KHDRBS2: variants seen among roughly 807,000 people sequenced by gnomAD.
The protein encoded by KHDRBS2 is KH domain-containing, RNA-binding, signal transduction-associated protein 2.
In KHDRBS2, 26 loss-of-function variants were observed where a neutral mutation model predicts 44.3. That is an observed-to-expected ratio of 0.59 (90% CI 0.43 to 0.81). The LOEUF is 0.81. KHDRBS2 is among the 40% of genes least tolerant of loss of function. KHDRBS2 has a pLI of 0.00. For missense variants in KHDRBS2, 476 were observed against 433.1 expected (o/e 1.10, Z -0.88); for synonymous variants, 194 against 151.1 (o/e 1.28, Z -2.08).
intron 3 of KHDRBS2, among the ~76,000 whole-genome samples, chr6:62,038,837 C>A (rs1785862656): frequency 6.6e-6 from 1 of 152,002 alleles, no homozygotes; most frequent in African/African-American, 2.4e-5. Context: ...ACAACCTTTG[C>A]ATCAAAGATT....
intron 4 of KHDRBS2, among the ~76,000 whole-genome samples, chr6:61,963,063 G>A (rs1377083479): frequency 6.6e-6 from 1 of 151,992 alleles, no homozygotes; most frequent in Non-Finnish European, 1.5e-5. Flanking sequence ...CACATAAGCT[G>A]GTTGCTATTT....
At chr6:61,555,693 G>A in the KHDRBS2 span, among the ~76,000 whole-genome samples, 2 of 152,174 alleles carry the variant, frequency 1.3e-5, no homozygotes, top group African/African-American at 4.8e-5. Context: ...TGTTTCGCTT[G>A]CTTGTATCTT....
At chr6:61,628,344 A>G in the KHDRBS2 span, among the ~76,000 whole-genome samples, 89,190 of 150,184 alleles carry the variant, frequency 0.59, 26,576 homozygotes, top group African/African-American at 0.62. Flanking sequence ...CTTCAAACTC[A>G]AATATCTTTT....
chr6:62,051,137 T>C (rs927170822), intron 2 of KHDRBS2, among the ~76,000 whole-genome samples: 1 of 152,058 alleles, frequency 6.6e-6, no homozygotes, highest in East Asian at 1.9e-4. Flanking sequence ...GAAAGCGGCA[T>C]GAAGGAAATA....
chr6:62,143,677 C>T (rs1001557651), intron 2 of KHDRBS2, among the ~76,000 whole-genome samples: 1 of 129,056 alleles, frequency 7.7e-6, no homozygotes, highest in Non-Finnish European at 1.6e-5. Flanking sequence ...TCTCTCCTGG[C>T]TAAGTCTCAG....
rs150714602 is a variant in KHDRBS2, at chr6:61,955,036, A to G, written c.483+23030T>C. Among the ~76,000 whole-genome samples the G allele has an allele frequency of 5.9e-4, 85 of 145,038 alleles. 1 individual carries two copies. Among genetic ancestry groups the G allele is most frequent in the Middle Eastern group, 0.011 (1 of 90 alleles). On this transcript the variant is annotated intron_variant, in intron 4 of 8. Transcript: ENST00000281156. ...TGTATACACACATACATATATACATACATGTATGTATACATATATGTATGT... is the reference window on the plus strand; with the variant it reads ...TGTATACACACATACATATATACATGCATGTATGTATACATATATGTATGT...
chr6:62,056,714 T>C (rs894380704), intron 2 of KHDRBS2, among the ~76,000 whole-genome samples: 11 of 151,970 alleles, frequency 7.2e-5, no homozygotes, highest in African/African-American at 2.7e-4. Context: ...TCCCCTTTAT[T>C]GATGACAGTA....
chr6:61,598,819 A>C, the KHDRBS2 span, among the ~76,000 whole-genome samples: 3,753 of 133,852 alleles, frequency 0.028, 189 homozygotes, highest in African/African-American at 0.1. Context: ...TAAAGGGTAG[A>C]GTGTCCTTTT....
the KHDRBS2 span, among the ~76,000 whole-genome samples, chr6:61,638,851 A>G: frequency 6.6e-6 from 1 of 152,110 alleles, no homozygotes; most frequent in African/African-American, 2.4e-5. Flanking sequence ...TATCTTTAAT[A>G]GAGTTATCTT....
At position 61,732,675 on chromosome 6, in the gene KHDRBS2, G is replaced by A. The variant is rs898329101; in HGVS notation, c.893+7C>T. 4 of 1,568,972 alleles carry A rather than the reference G, an allele frequency of 2.5e-6. No homozygotes were observed. Among genetic ancestry groups the A allele is most frequent in the Admixed American group, 1.7e-5 (1 of 59,772 alleles). ...GAGAAGGCTGCTTTAGATAGCAAATGCCTTACCTTTGTGTTTGGGTCGCAT... is the reference window on the plus strand; with the variant it reads ...GAGAAGGCTGCTTTAGATAGCAAATACCTTACCTTTGTGTTTGGGTCGCAT... On this transcript the variant is annotated splice_region_variant and intron_variant, in intron 7 of 8. Transcript: ENST00000281156.
chr6:62,085,258 T>C (rs1405337559), intron 2 of KHDRBS2, among the ~76,000 whole-genome samples: 1 of 152,062 alleles, frequency 6.6e-6, no homozygotes, highest in Non-Finnish European at 1.5e-5. Context: ...TAGATGAAAT[T>C]CTGAATTAAG....
chr6:62,145,898 A>C (rs544205357), intron 2 of KHDRBS2, among the ~76,000 whole-genome samples: 3 of 151,912 alleles, frequency 2.0e-5, no homozygotes, highest in Non-Finnish European at 4.4e-5. Context: ...CTATATGTGT[A>C]AGGTATATAT....
chr6:62,274,364 C>T (rs1375551470), intron 1 of KHDRBS2, among the ~76,000 whole-genome samples: 1 of 152,166 alleles, frequency 6.6e-6, no homozygotes, highest in Non-Finnish European at 1.5e-5. Flanking sequence ...AACTCCATCA[C>T]ACTTGCCCCT....
chr6:62,015,822 G>T (rs959633649), intron 3 of KHDRBS2, among the ~76,000 whole-genome samples: 2 of 152,118 alleles, frequency 1.3e-5, no homozygotes, highest in Non-Finnish European at 2.9e-5. Flanking sequence ...TGTTATTTCT[G>T]CATTTCTCTT....
At chr6:62,248,359 T>A (rs191837206) in intron 1 of KHDRBS2, among the ~76,000 whole-genome samples, 24 of 152,022 alleles carry the variant, frequency 1.6e-4, no homozygotes, top group Non-Finnish European at 3.4e-4. Flanking sequence ...TTTATTATTT[T>A]TTATTTTTTC....
the KHDRBS2 span, among the ~76,000 whole-genome samples, chr6:61,667,781 C>A: frequency 6.6e-6 from 1 of 151,308 alleles, no homozygotes; most frequent in Non-Finnish European, 1.5e-5. Context: ...CACAGGCTAG[C>A]ATTACTAGCA....
chr6:61,619,121 A>AT, the KHDRBS2 span, among the ~76,000 whole-genome samples: 4 of 152,026 alleles, frequency 2.6e-5, no homozygotes, highest in Admixed American at 1.3e-4. Context: ...TTTAATTAAA[A>AT]ATTTTTTTTC....
intron 6 of KHDRBS2, among the ~76,000 whole-genome samples, chr6:61,877,807 A>T (rs1799649577): frequency 6.6e-6 from 1 of 151,886 alleles, no homozygotes; most frequent in South Asian, 2.1e-4. Flanking sequence ...ATCTTACATT[A>T]TTTTATTTGT....
intron 4 of KHDRBS2, among the ~76,000 whole-genome samples, chr6:61,942,905 A>C (rs1812415512): frequency 6.6e-6 from 1 of 150,786 alleles, no homozygotes; most frequent in African/African-American, 2.4e-5. Context: ...GCCATGAGAG[A>C]ATGGGAAGAT....
Sources: gnomAD v4.1 joint callset for allele counts (sites outside exome capture counted in the v4.1 genomes callset) on GRCh38, gnomAD v4.1.1 for gene constraint, MANE v1.5 for transcripts, NCBI Gene and HGNC (gene_info 2026-07-23, HGNC 2026-07-21) for gene names.